The following NKAIN4 variants were observed in gnomAD, a reference collection of about 807,000 sequenced individuals.
The protein encoded by NKAIN4 is sodium/potassium transporting ATPase interacting 4.
In NKAIN4, 28 loss-of-function variants were observed where a neutral mutation model predicts 28.8. The ratio of observed to expected loss-of-function variants is 0.97; its 90% confidence interval spans 0.72 to 1.33. The LOEUF (loss-of-function observed/expected upper bound fraction) is 1.33, where lower values mean the gene tolerates loss of function less well. Among genes scored for constraint, NKAIN4 ranks in the 40% most tolerant of loss-of-function variants. The pLI is 0.00. For missense variants in NKAIN4, 289 were observed against 277.2 expected (o/e 1.04, Z -0.30); for synonymous variants, 122 against 115.6 (o/e 1.06, Z -0.36).
chr20:63,253,733 A>G, intron 1 of NKAIN4, among the ~76,000 whole-genome samples: 1 of 152,100 alleles, frequency 6.6e-6, no homozygotes, highest in African/African-American at 2.4e-5. Context: ...AACTTGGCCG[A>G]GGGAGCCCCG....
chr20:63,253,701 T>A (rs1315984757), intron 1 of NKAIN4, among the ~76,000 whole-genome samples: 1 of 151,932 alleles, frequency 6.6e-6, no homozygotes, highest in Non-Finnish European at 1.5e-5. Context: ...CCAGGGAGCT[T>A]CGGACTCCGG....
chr20:63,244,125 G>T, intron 4 of NKAIN4, 41 bp from the exon 5 acceptor site: 3 of 1,585,876 alleles, frequency 1.9e-6, no homozygotes, highest in Non-Finnish European at 2.6e-6. Flanking sequence ...GCGGCCAGGC[G>T]AGCCTGTGGG....
At chr20:63,246,357 C>T (rs1308744829) in intron 4 of NKAIN4, among the ~76,000 whole-genome samples, 26 of 152,184 alleles carry the variant, frequency 1.7e-4, no homozygotes, top group Admixed American at 1.7e-3. Flanking sequence ...CAATTGGGGC[C>T]CCCTCTGTGC....
In NKAIN4 at chr20:63,245,375, G is replaced by A. The variant is rs1353042667; in HGVS notation, c.472-1291C>T. Among the ~76,000 whole-genome samples, 1 of 152,088 alleles carries A rather than the reference G, an allele frequency of 6.6e-6. No individual in the cohort carries two copies. The highest frequency in any genetic ancestry group is 1.5e-5 in the Non-Finnish European group (1 of 68,012). Reference sequence around the variant, plus strand: ...CCCAAGACGCCCCCATCCCGGAGCTGGCCGTGGCGCCGAACAGGCAGCCGA... The same window carrying A: ...CCCAAGACGCCCCCATCCCGGAGCTAGCCGTGGCGCCGAACAGGCAGCCGA... On this transcript the variant is annotated intron_variant, in intron 4 of 6. Coordinates refer to ENST00000370316, the MANE Select transcript of NKAIN4 (RefSeq NM_152864.4). This position sits in a 1 kb window ranked among gnomAD's most constrained non-coding sequence, Gnocchi z 4.7.
At chr20:63,249,892 C>A in intron 2 of NKAIN4, 43 bp downstream of exon 2, 1 of 1,580,206 alleles carries the variant, frequency 6.3e-7, no homozygotes, top group Non-Finnish European at 8.6e-7. Flanking sequence ...TCCTGGTCAC[C>A]TCAACCCACC....
chr20:63,242,751 T>C lies in NKAIN4; in HGVS notation c.533-128A>G, dbSNP rs542190659. The C allele has an allele frequency of 2.7e-4, 102 of 379,970 alleles. 2 individuals are homozygous for C. Among genetic ancestry groups the C allele is most frequent in the South Asian group, 1.9e-3 (96 of 51,554 alleles). The allele number at this position is 379,970 out of a possible 1,614,324, so 23.5% of individuals were successfully genotyped here. A position where few individuals can be genotyped will look rare whatever the true frequency, so the allele number is the denominator to read the frequency against. On this transcript the variant is annotated intron_variant, in intron 5 of 6. Transcript: ENST00000370316. ...GGGGCACAGACAGTGCCCAAAGCCCTGACATGACAGCAGAGGGAACATGGC... is the reference window on the plus strand; with the variant it reads ...GGGGCACAGACAGTGCCCAAAGCCCCGACATGACAGCAGAGGGAACATGGC...
chr20:63,247,578 C>T lies in NKAIN4; in HGVS notation c.471G>A (p.Ala157=), dbSNP rs2066882384. 5 of 1,546,454 alleles carry T rather than the reference C, an allele frequency of 3.2e-6. No individual in the cohort carries two copies. The highest frequency in any genetic ancestry group is 3.5e-6 in the Non-Finnish European group (4 of 1,144,568). The part of the protein sequence containing the change: ...ALHSCLQILI[A]LLGFVCGCQV... Reference sequence around the variant, plus strand: ...CGGGGGCCCCCTTCCCCACGCTCACCGCGATCAGGATCTGCAGGCAACTGT... The same window carrying T: ...CGGGGGCCCCCTTCCCCACGCTCACTGCGATCAGGATCTGCAGGCAACTGT... Residue 157 remains alanine, a splice_region_variant and synonymous_variant, in exon 4 of 7, where the codon GCG becomes GCA. Coordinates refer to ENST00000370316, the MANE Select transcript of NKAIN4 (RefSeq NM_152864.4).
intron 5 of NKAIN4, 180 bp downstream of exon 5, chr20:63,243,844 T>C: frequency 3.4e-6 from 2 of 582,502 alleles, no homozygotes; most frequent in Non-Finnish European, 6.2e-6. Flanking sequence ...CCTCTGCTAA[T>C]CTCTTCCCTG....
At position 63,250,022 on chromosome 20, in the gene NKAIN4, C is replaced by A; in HGVS notation, c.105G>T (p.Ala35=). ...QVFDFLGYQW[A]PILANFVHII... ...TGTGGACAAAGTTGGCCAGGATGGG[C>A]GCCCACTGGTAGCCCAGGAAGTCAA... The change falls in exon 2 of 7, where the codon GCG becomes GCT. Residue 35 remains alanine (A), a synonymous_variant. Coordinates refer to ENST00000370316, the MANE Select transcript of NKAIN4 (RefSeq NM_152864.4). 6.2e-7 allele frequency: 1 copy of A among 1,607,038 alleles called. No homozygotes were observed. The highest frequency in any genetic ancestry group is 1.7e-5 in the Admixed American group (1 of 59,106).
chr20:63,247,738 C>G lies in NKAIN4; in HGVS notation c.311G>C (p.Arg104Pro). 1 of 1,486,922 alleles carries G rather than the reference C, an allele frequency of 6.7e-7. No homozygotes were observed. The highest frequency in any genetic ancestry group is 9.0e-7 in the Non-Finnish European group (1 of 1,114,312). The allele number at this position is 1,486,922 out of a possible 1,614,324, so 92.1% of individuals were successfully genotyped here. ...TGGCCAGCGCTCACGCCACCAGGAG[C>G]GATGCCGGGAGAGGCTGAAGGTCAG... ...ELLTFSLSRH[R>P]SWWRERWPGC... Residue 104 changes from arginine to proline, a missense_variant, in exon 4 of 7, where the codon CGC (arginine) becomes CCC (proline). Physicochemically the swap from Arg to Pro is moderately radical, Grantham distance 103. Transcript: ENST00000370316.
intron 6 of NKAIN4, 56 bp from the exon 7 acceptor site, chr20:63,241,562 G>C: frequency 2.7e-6 from 4 of 1,468,928 alleles, no homozygotes; most frequent in Non-Finnish European, 3.7e-6. Flanking sequence ...CAGCCACTGG[G>C]GGCTGCCACC....
In NKAIN4 at chr20:63,250,070, G is replaced by C; in HGVS notation, c.57C>G (p.Val19=). 1 of 1,570,512 alleles carries C rather than the reference G, an allele frequency of 6.4e-7. No homozygotes were observed. The highest frequency in any genetic ancestry group is 8.6e-7 in the Non-Finnish European group (1 of 1,158,950). The change falls in exon 2 of 7, where the codon GTC becomes GTG. Residue 19 remains valine (V), a splice_region_variant and synonymous_variant. Transcript: ENST00000370316. The part of the protein sequence containing the change: ...ALVVLCAFQL[V]AALERQVFDF... ...CAAACACCTGCCTCTCCAGGGCGGC[G>C]ACCTAGGAGCAGGGCGGGCGCCATG...
At chr20:63,254,853 C>G (rs1212187675), upstream of NKAIN4, 1 of 169,428 alleles carries the variant, frequency 5.9e-6, no homozygotes, top group African/African-American at 2.4e-5. Context: ...CGCCCTCCGG[C>G]GTGAGATCCC....
intron 2 of NKAIN4, chr20:63,249,181 G>C: frequency 2.2e-6 from 1 of 444,550 alleles, no homozygotes. Context: ...ATCCCTGGCT[G>C]AGCTGCCGTG....
At chr20:63,253,767 C>T (rs1601305185) in intron 1 of NKAIN4, among the ~76,000 whole-genome samples, 2 of 152,276 alleles carry the variant, frequency 1.3e-5, no homozygotes, top group East Asian at 3.9e-4. Context: ...CCGAAGACGC[C>T]CGCGCTGCGC....
intron 1 of NKAIN4, among the ~76,000 whole-genome samples, chr20:63,250,375 G>A (rs1055131820): frequency 1.3e-5 from 2 of 152,190 alleles, no homozygotes; most frequent in Non-Finnish European, 2.9e-5. Context: ...CCCTTGAGTA[G>A]GCCCCATCCC....
chr20:63,254,125 G>A (rs891383670), intron 1 of NKAIN4: 3 of 457,202 alleles, frequency 6.6e-6, no homozygotes, highest in African/African-American at 4.2e-5. Flanking sequence ...AGCCCATCCA[G>A]CCGCTGCCCC....
rs1601280716 is a variant in NKAIN4 at position 63,245,541 on chromosome 20, G to A, written c.472-1457C>T. Among the ~76,000 whole-genome samples, 2 of 151,894 alleles carry A rather than the reference G, an allele frequency of 1.3e-5. No individual in the cohort carries two copies. Among genetic ancestry groups the A allele is most frequent in the Admixed American group, 6.6e-5 (1 of 15,266 alleles). ...GCCCATCCTCCTGGCTCCAGCCCCA[G>A]GTCCACCCCAAAGCTCTCCCCTCTC... On this transcript the variant is annotated intron_variant, in intron 4 of 6. Coordinates refer to ENST00000370316, the MANE Select transcript of NKAIN4 (RefSeq NM_152864.4). This position sits in a 1 kb window ranked among gnomAD's most constrained non-coding sequence, Gnocchi z 4.7.
At chr20:63,253,125 T>C in intron 1 of NKAIN4, 1 of 805,150 alleles carries the variant, frequency 1.2e-6, no homozygotes, top group Non-Finnish European at 1.5e-6. Flanking sequence ...GGCACTGGAG[T>C]CTTCGAGTGC....
Sources: gnomAD v4.1 joint callset for allele counts (sites outside exome capture counted in the v4.1 genomes callset) on GRCh38, gnomAD v4.1.1 for gene constraint, Gnocchi (gnomAD v3.1) non-coding constraint, MANE v1.5 for transcripts, NCBI Gene and HGNC (gene_info 2026-07-23, HGNC 2026-07-21) for gene names.